Variants in SRBD1 observed in about 807,000 individuals in gnomAD.
SRBD1 encodes the protein S1 RNA binding domain 1.
SRBD1 carries 88 observed loss-of-function variants against 115.3 expected under a neutral mutation model. The observed-to-expected ratio is 0.76, with a 90% CI of 0.64 to 0.91. SRBD1 has a LOEUF of 0.91. Ranked by LOEUF, SRBD1 falls within the 40% of genes least tolerant of loss-of-function variation. SRBD1 has a pLI of 0.00. For synonymous variants in SRBD1, 509 were observed against 407.7 expected (o/e 1.25, Z -2.99); for missense variants, 1,385 against 1,177.4 (o/e 1.18, Z -2.58).
intron 5 of SRBD1, 86 bp from the exon 6 acceptor site, chr2:45,581,896 A>C: frequency 9.3e-7 from 1 of 1,077,054 alleles, no homozygotes; most frequent in Non-Finnish European, 1.4e-6. Context: ...GAAAAGTTGC[A>C]GGTAAAGTAA....
At position 45,429,891 on chromosome 2, in the gene SRBD1, C is replaced by T. The variant is rs563132909; in HGVS notation, c.2050-9997G>A. 1.5e-3 allele frequency among the ~76,000 whole-genome samples: 226 copies of T among 152,170 alleles called. 1 individual carries two copies. Among genetic ancestry groups the T allele is most frequent in the African/African-American group, 5.1e-3 (212 of 41,498 alleles). On this transcript the variant is annotated intron_variant, in intron 16 of 20. Coordinates refer to ENST00000263736, the MANE Select transcript of SRBD1 (RefSeq NM_018079.5). Reference sequence around the variant, plus strand: ...TGACATGACTGTATATTTAGAACACCCCATCGTCTCAGCCCAAAATCTCCT... The same window carrying T: ...TGACATGACTGTATATTTAGAACACTCCATCGTCTCAGCCCAAAATCTCCT...
intron 14 of SRBD1, among the ~76,000 whole-genome samples, chr2:45,489,212 T>C (rs544192720): frequency 1.3e-5 from 2 of 152,312 alleles, no homozygotes; most frequent in East Asian, 3.9e-4. Context: ...TGTGGCTCTA[T>C]ACCATGTGAC....
rs556056205 is a variant in SRBD1, at chr2:45,516,507, A to C, written c.1875-28176T>G. Among the ~76,000 whole-genome samples the C allele has an allele frequency of 2.0e-5, 3 of 152,180 alleles. No individual in the cohort carries two copies. The East Asian group carries it at 5.8e-4, about 29-fold the overall frequency. ...AACAGGTATCACTGTTAAATTATGT[A>C]ACACACACACACAACAGATATATCT... On this transcript the variant is annotated intron_variant, in intron 14 of 20. Transcript: ENST00000263736.
chr2:45,534,127 C>G (rs908401354), intron 14 of SRBD1, among the ~76,000 whole-genome samples: 1 of 151,890 alleles, frequency 6.6e-6, no homozygotes, highest in South Asian at 2.1e-4. Flanking sequence ...AACAGTCAAA[C>G]TGAATTCAAA....
At position 45,607,518 on chromosome 2, in the gene SRBD1, C is replaced by G. The variant is rs187425944; in HGVS notation, c.1-2077G>C. ...GGAGGTTTTCCTAAATATGACTCCT[C>G]AAAATTCCAAAACCAAAAAGACTAA... On this transcript the variant is annotated intron_variant, in intron 1 of 20. Transcript: ENST00000263736. 7.2e-5 allele frequency among the ~76,000 whole-genome samples: 11 copies of G among 151,982 alleles called. No homozygotes were observed. In the East Asian group the frequency reaches 1.5e-3, roughly 21 times the overall value.
intron 14 of SRBD1, among the ~76,000 whole-genome samples, chr2:45,531,744 T>C (rs933357844): frequency 1.3e-5 from 2 of 151,826 alleles, no homozygotes; most frequent in Non-Finnish European, 2.9e-5. Context: ...CTCTAAAACA[T>C]GTTTACAGGA....
chr2:45,529,490 C>T (rs532825989), intron 14 of SRBD1, among the ~76,000 whole-genome samples: 4 of 151,698 alleles, frequency 2.6e-5, no homozygotes, highest in East Asian at 1.9e-4. Flanking sequence ...GTCCAAAATC[C>T]GAAAATTTGA....
At chr2:45,451,899 AAAAAT>A (rs1451584903) in intron 16 of SRBD1, among the ~76,000 whole-genome samples, 1 of 151,714 alleles carries the variant, frequency 6.6e-6, no homozygotes, top group African/African-American at 2.4e-5. Flanking sequence ...AATGAGAGGT[AAAAAT>A]AAAATGAGAG....
chr2:45,577,641 A>T (rs981959890), intron 7 of SRBD1, among the ~76,000 whole-genome samples: 2 of 148,862 alleles, frequency 1.3e-5, no homozygotes, highest in Non-Finnish European at 2.9e-5. Context: ...CAAGCAAGCA[A>T]GAAGTGTCTT....
chr2:45,519,369 G>A (rs373002465), intron 14 of SRBD1, among the ~76,000 whole-genome samples: 4 of 151,988 alleles, frequency 2.6e-5, no homozygotes, highest in East Asian at 3.9e-4. Flanking sequence ...AACCTTGGCC[G>A]CCATTGGTCC....
At chr2:45,490,896 T>C (rs1458051971) in intron 14 of SRBD1, among the ~76,000 whole-genome samples, 2 of 152,182 alleles carry the variant, frequency 1.3e-5, no homozygotes, top group African/African-American at 4.8e-5. Flanking sequence ...TGTAGTAAAT[T>C]TCATATGCTT....
intron 4 of SRBD1, among the ~76,000 whole-genome samples, chr2:45,586,576 C>A (rs1673529344): frequency 6.6e-6 from 1 of 151,840 alleles, no homozygotes; most frequent in Non-Finnish European, 1.5e-5. Context: ...GACAGTGTCT[C>A]GCTCTTTCAC....
rs1667658182 is a variant in SRBD1 at position 45,413,239 on chromosome 2, T to C, written c.2388A>G (p.Ala796=). The C allele has an allele frequency of 6.2e-7, 1 of 1,614,016 alleles. No individual in the cohort carries two copies. Residue 796 remains alanine (A), a synonymous_variant, in exon 19 of 21, where the codon GCA becomes GCG. Transcript: ENST00000263736. ...GCTTCTCATTTGTGACCTCAACGTC[T>C]GCTGAAGATGTCACAGCAACTCCTT... ...QIQGVAVTSS[A]DVEVTNEKQG...
chr2:45,563,982 C>A (rs766602260), intron 9 of SRBD1, among the ~76,000 whole-genome samples: 14 of 152,062 alleles, frequency 9.2e-5, no homozygotes, highest in Non-Finnish European at 1.6e-4. Context: ...AAAAACCAGA[C>A]AAGACTTCAC....
chr2:45,534,347 A>G (rs1671700480), intron 14 of SRBD1, among the ~76,000 whole-genome samples: 1 of 151,994 alleles, frequency 6.6e-6, no homozygotes, highest in Non-Finnish European at 1.5e-5. Flanking sequence ...TATCACAAAC[A>G]TCCTAGAAAG....
chr2:45,585,592 T>C lies in SRBD1; in HGVS notation c.815+16A>G. ...TTTCCCCTTACACTAGGCTTATTCTTTTTTAGGTTTCTTACCGTAGCTCTT... is the reference window on the plus strand; with the variant it reads ...TTTCCCCTTACACTAGGCTTATTCTCTTTTAGGTTTCTTACCGTAGCTCTT... On this transcript the variant is annotated intron_variant, in intron 5 of 20. Coordinates refer to ENST00000263736, the MANE Select transcript of SRBD1 (RefSeq NM_018079.5). 6.2e-7 allele frequency: 1 copy of C among 1,602,964 alleles called. No homozygotes were observed. Among genetic ancestry groups the C allele is most frequent in the South Asian group, 1.1e-5 (1 of 88,110 alleles).
chr2:45,578,309 A>G (rs1673240487), intron 7 of SRBD1, among the ~76,000 whole-genome samples: 1 of 152,224 alleles, frequency 6.6e-6, no homozygotes, highest in South Asian at 2.1e-4. Flanking sequence ...AGTCTTAGCT[A>G]TTATTAAAAT....
At chr2:45,519,180 GAA>G (rs558412774) in intron 14 of SRBD1, among the ~76,000 whole-genome samples, 11 of 152,060 alleles carry the variant, frequency 7.2e-5, no homozygotes, top group Non-Finnish European at 1.6e-4. Context: ...CACTAAAAAA[GAA>G]AACAAAATGT....
chr2:45,391,788 G>C (rs911618917), intron 20 of SRBD1, among the ~76,000 whole-genome samples: 2 of 152,030 alleles, frequency 1.3e-5, no homozygotes, highest in Admixed American at 1.3e-4. Flanking sequence ...AATGCAACTG[G>C]GATAATGGAA....
Sources: allele counts gnomAD v4.1 joint callset (sites outside exome capture counted in the v4.1 genomes callset), GRCh38; gene constraint gnomAD v4.1.1; transcripts MANE v1.5; gene names NCBI Gene and HGNC (gene_info 2026-07-23, HGNC 2026-07-21).